RUBCN: variants seen among roughly 807,000 people sequenced by gnomAD.
RUBCN encodes the protein rubicon autophagy regulator, also known as run domain Beclin-1-interacting and cysteine-rich domain-containing protein.
A neutral mutation model predicts 113.2 loss-of-function variants in RUBCN; 74 were observed. That is an observed-to-expected ratio of 0.65 (90% CI 0.54 to 0.79). The LOEUF (loss-of-function observed/expected upper bound fraction) is 0.79. Among genes scored for constraint, RUBCN ranks in the 30% least tolerant of loss-of-function variants. RUBCN has a pLI of 0.00. For synonymous variants in RUBCN, 480 were observed against 490.0 expected (o/e 0.98, Z 0.27); for missense variants, 1,109 against 1,251.7 (o/e 0.89, Z 1.72).
intron 1 of RUBCN, among the ~76,000 whole-genome samples, chr3:197,732,274 G>A (rs775264109): frequency 8.5e-5 from 13 of 152,216 alleles, no homozygotes; most frequent in Non-Finnish European, 1.2e-4. Context: ...GGGAGACAGA[G>A]CAATGCCAGA....
At position 197,674,457 on chromosome 3, in the gene RUBCN, G is replaced by A. The variant is rs780406430; in HGVS notation, c.*561C>T. On this transcript the variant is annotated 3_prime_UTR_variant, in exon 20 of 20. Transcript: ENST00000296343. The stretch of plus-strand genomic sequence containing the variant: ...AGTCTAGGATAGTCAGGATTGTTCT[G>A]TGGCCCCCAAAATACCCAAATAAGT... 2.3e-6 allele frequency: 1 copy of A among 428,198 alleles called. No homozygotes were observed. Among genetic ancestry groups the A allele is most frequent in the Non-Finnish European group, 4.8e-6 (1 of 207,918 alleles). 26.5% of individuals were successfully genotyped at this position (428,198 alleles called of 1,614,324 possible).
chr3:197,685,902 C>T (rs1721788064), intron 11 of RUBCN, among the ~76,000 whole-genome samples: 1 of 152,198 alleles, frequency 6.6e-6, no homozygotes, highest in Non-Finnish European at 1.5e-5. Flanking sequence ...TTGGGTAACA[C>T]TTACACTGCC....
Position 197,681,926 on chromosome 3 carries a change from G to C in RUBCN, c.2127-27C>G. 1 of 1,592,368 alleles carries C rather than the reference G, an allele frequency of 6.3e-7. No homozygotes were observed. The highest frequency in any genetic ancestry group is 8.6e-7 in the Non-Finnish European group (1 of 1,160,476). ...TGAGGAAGGGTAAGGACAGGGCATT[G>C]GCACAGAGCAGCTGCGTGAGACCTT... On this transcript the variant is annotated intron_variant, in intron 14 of 19. Coordinates refer to ENST00000296343, the MANE Select transcript of RUBCN (RefSeq NM_014687.4). This position sits in a 1 kb window ranked among gnomAD's most constrained non-coding sequence, Gnocchi z 5.5.
At chr3:197,702,432 G>A (rs948947162) in intron 5 of RUBCN, among the ~76,000 whole-genome samples, 2 of 152,190 alleles carry the variant, frequency 1.3e-5, no homozygotes, top group Non-Finnish European at 2.9e-5. Context: ...GGAGGCCAAG[G>A]CGGGCAAATC....
intron 11 of RUBCN, among the ~76,000 whole-genome samples, chr3:197,688,373 C>T (rs897541315): frequency 3.3e-5 from 5 of 151,966 alleles, no homozygotes; most frequent in Admixed American, 6.6e-5. Context: ...CCCAAAGTTC[C>T]GGGATGACAG....
At chr3:197,748,669 G>T (rs1019979581) in intron 1 of RUBCN, among the ~76,000 whole-genome samples, 7 of 152,198 alleles carry the variant, frequency 4.6e-5, no homozygotes, top group African/African-American at 1.7e-4. Flanking sequence ...TACTTTTATT[G>T]TTAAGGTGAC....
intron 1 of RUBCN, among the ~76,000 whole-genome samples, chr3:197,726,339 T>C (rs918990672): frequency 6.6e-6 from 1 of 152,082 alleles, no homozygotes; most frequent in African/African-American, 2.4e-5. Flanking sequence ...CTCTGCCTCC[T>C]GGGTTCACAC....
chr3:197,699,168 G>A, intron 7 of RUBCN: 1 of 1,531,258 alleles, frequency 6.5e-7, no homozygotes, highest in Non-Finnish European at 8.9e-7. Flanking sequence ...AAGAGGAGGT[G>A]GAGGACCGAT....
rs111351671 is a variant in RUBCN, at chr3:197,670,012, G to C, written c.*5006C>G. 0.022 allele frequency among the ~76,000 whole-genome samples: 3,311 copies of C among 152,134 alleles called. 100 individuals carry two copies. The highest frequency in any genetic ancestry group is 0.064 in the African/African-American group (2,667 of 41,480). ...CAAGCAATTCTCCTGTCTCAACCTC[G>C]CGAGTAGCTGGGATTACAGGCGCCC... On this transcript the variant is annotated 3_prime_UTR_variant, in exon 20 of 20. Coordinates refer to ENST00000296343, the MANE Select transcript of RUBCN (RefSeq NM_014687.4).
At chr3:197,685,512 T>C (rs1374758549) in intron 11 of RUBCN, among the ~76,000 whole-genome samples, 1 of 152,192 alleles carries the variant, frequency 6.6e-6, no homozygotes, top group Admixed American at 6.5e-5. Flanking sequence ...AGATTGTGTC[T>C]TATTCTTCCC....
At chr3:197,706,700 A>G (rs1724337089) in intron 2 of RUBCN, among the ~76,000 whole-genome samples, 1 of 152,066 alleles carries the variant, frequency 6.6e-6, no homozygotes, top group Admixed American at 6.6e-5. Context: ...ACAAACAAAA[A>G]AAGAGACAAA....
At position 197,742,965 on chromosome 3, in the gene RUBCN, C is replaced by T. The variant is rs572053025; in HGVS notation, c.-116+6304G>A. ...CTAGAACCCCTGGTGGTCAAGACTC[C>T]TGCCTTCCCTAGGGAGGGCAAGGCC... On this transcript the variant is annotated intron_variant, in intron 1 of 20. Transcript: ENST00000273582. Among the ~76,000 whole-genome samples the T allele has an allele frequency of 2.6e-5, 4 of 152,354 alleles. No individual in the cohort carries two copies. The East Asian group carries it at 7.7e-4, about 29-fold the overall frequency.
chr3:197,706,329 G>C (rs1487914461), intron 2 of RUBCN, among the ~76,000 whole-genome samples: 1 of 152,042 alleles, frequency 6.6e-6, no homozygotes, highest in African/African-American at 2.4e-5. Flanking sequence ...GAGACTACTG[G>C]GTAGGGATTA....
chr3:197,736,252 G>C (rs1355204752), intron 1 of RUBCN, among the ~76,000 whole-genome samples: 1 of 152,082 alleles, frequency 6.6e-6, no homozygotes, highest in East Asian at 1.9e-4. Context: ...TCCTCTTCGC[G>C]TTGGCCCCAC....
intron 11 of RUBCN, among the ~76,000 whole-genome samples, chr3:197,689,530 G>A (rs925657439): frequency 1.3e-5 from 2 of 152,126 alleles, no homozygotes; most frequent in African/African-American, 4.8e-5. Context: ...CCCCACAGAG[G>A]ACTGGGACTA....
chr3:197,692,709 A>G (rs1316091204), intron 11 of RUBCN, among the ~76,000 whole-genome samples: 3 of 152,170 alleles, frequency 2.0e-5, no homozygotes, highest in African/African-American at 7.2e-5. Flanking sequence ...CATACATAGA[A>G]ATCAGAGACA....
intron 6 of RUBCN, 75 bp from the exon 7 acceptor site, chr3:197,701,221 AC>A: frequency 7.8e-7 from 1 of 1,286,038 alleles, no homozygotes; most frequent in Non-Finnish European, 1.1e-6. Flanking sequence ...GGACTGGGTG[AC>A]CAGGACATAC....
At chr3:197,712,617 C>T (rs1725079246) in intron 2 of RUBCN, among the ~76,000 whole-genome samples, 1 of 152,304 alleles carries the variant, frequency 6.6e-6, no homozygotes, top group African/African-American at 2.4e-5. Context: ...TCTTTTGATT[C>T]TTCCCACTAG....
intron 1 of RUBCN, among the ~76,000 whole-genome samples, chr3:197,733,514 C>G (rs1727756959): frequency 6.6e-6 from 1 of 152,084 alleles, no homozygotes; most frequent in South Asian, 2.1e-4. Context: ...AAAAATGATG[C>G]TATCTCATCA....
Sources: gnomAD v4.1 joint callset for allele counts (sites outside exome capture counted in the v4.1 genomes callset) on GRCh38, gnomAD v4.1.1 for gene constraint, Gnocchi (gnomAD v3.1) non-coding constraint, MANE v1.5 for transcripts, NCBI Gene and HGNC (gene_info 2026-07-23, HGNC 2026-07-21) for gene names.